Variants in MTIF2 observed in about 807,000 individuals in gnomAD.
MTIF2 encodes the protein translation initiation factor IF-2, mitochondrial.
A neutral mutation model predicts 83.5 loss-of-function variants in MTIF2; 71 were observed. The ratio of observed to expected loss-of-function variants is 0.85; its 90% confidence interval spans 0.70 to 1.04. MTIF2 has a LOEUF of 1.04. MTIF2 is among the 50% of genes least tolerant of loss of function. MTIF2 has a pLI of 0.00. For missense variants in MTIF2, 957 were observed against 846.5 expected, an observed-to-expected ratio of 1.13 and a Z score of -1.62; for synonymous variants, 319 against 287.1, an observed-to-expected ratio of 1.11 and a Z score of -1.12.
At chr2:55,240,623 T>C (rs935126114) in intron 13 of MTIF2, among the ~76,000 whole-genome samples, 7 of 152,186 alleles carry the variant, frequency 4.6e-5, no homozygotes, top group African/African-American at 1.7e-4. Flanking sequence ...TCTATGACTT[T>C]TTTTCTCACC....
At position 55,246,266 on chromosome 2, in the gene MTIF2, T is replaced by C. The variant is rs1051630642; in HGVS notation, c.1106+71A>G. ...TAACAATAACATGTAACAAAAATAA[T>C]ACATTGTCATATAATCAAGTCACGA... On this transcript the variant is annotated intron_variant, in intron 10 of 15. Transcript: ENST00000263629. 25 of 1,452,628 alleles carry C rather than the reference T, an allele frequency of 1.7e-5. 1 individual carries two copies. Among genetic ancestry groups the C allele is most frequent in the Middle Eastern group, 3.6e-4 (2 of 5,516 alleles). The allele number at this position is 1,452,628 out of a possible 1,614,324, so 90.0% of individuals were successfully genotyped here. A position where few individuals can be genotyped will look rare whatever the true frequency, so the allele number is the denominator to read the frequency against.
At chr2:55,246,276 T>C (rs1015926755) in intron 10 of MTIF2, 61 bp downstream of exon 10, 18 of 1,508,188 alleles carry the variant, frequency 1.2e-5, no homozygotes, top group Non-Finnish European at 1.5e-5. Flanking sequence ...TACATTGTCA[T>C]ATAATCAAGT....
At chr2:55,255,946 G>C (rs773612760) in intron 5 of MTIF2, among the ~76,000 whole-genome samples, 1 of 151,736 alleles carries the variant, frequency 6.6e-6, no homozygotes, top group Non-Finnish European at 1.5e-5. Flanking sequence ...GGGCAATCTC[G>C]GCTAGCTGCA....
At chr2:55,247,265 A>G (rs927711684) in intron 9 of MTIF2, among the ~76,000 whole-genome samples, 1 of 152,210 alleles carries the variant, frequency 6.6e-6, no homozygotes, top group Non-Finnish European at 1.5e-5. Context: ...AGTATAAAAC[A>G]ACAGACAAGG....
intron 8 of MTIF2, 52 bp downstream of exon 8, chr2:55,252,425 C>A: frequency 2.0e-6 from 3 of 1,519,414 alleles, no homozygotes; most frequent in Non-Finnish European, 2.7e-6. Flanking sequence ...ATGTAAATGG[C>A]CCCAGAACTT....
intron 10 of MTIF2, 46 bp from the exon 11 acceptor site, chr2:55,244,279 A>T: frequency 1.5e-6 from 2 of 1,322,110 alleles, no homozygotes; most frequent in Non-Finnish European, 2.1e-6. Context: ...AATGTACTTT[A>T]AGTAGAGCAA....
chr2:55,236,638 T>C lies in MTIF2; in HGVS notation c.*10A>G. The stretch of plus-strand genomic sequence containing the variant: ...CAACACGTTGAGTTATTTACATTTT[T>C]AATGTAATTTTAAAATCCTGGATCC... On this transcript the variant is annotated 3_prime_UTR_variant, in exon 16 of 16. Coordinates refer to ENST00000263629, the MANE Select transcript of MTIF2 (RefSeq NM_002453.3). The C allele has an allele frequency of 6.3e-7, 1 of 1,578,420 alleles. No homozygotes were observed. Among genetic ancestry groups the C allele is most frequent in the Non-Finnish European group, 8.6e-7 (1 of 1,166,860 alleles).
At position 55,260,241 on chromosome 2, in the gene MTIF2, A is replaced by G. The variant is rs1407933069; in HGVS notation, c.331+2075T>C. Among the ~76,000 whole-genome samples, 3 of 152,146 alleles carry G rather than the reference A, an allele frequency of 2.0e-5. No individual in the cohort carries two copies. In the East Asian group the frequency reaches 5.8e-4, roughly 30 times the overall value. On this transcript the variant is annotated intron_variant, in intron 5 of 15. Transcript: ENST00000263629. Reference sequence around the variant, plus strand: ...ATGGAGAAACTCCGTCTCTACTAAAAATACAAAATTAGCCGGGCGTGGTGG... The same window carrying G: ...ATGGAGAAACTCCGTCTCTACTAAAGATACAAAATTAGCCGGGCGTGGTGG...
chr2:55,253,407 G>A (rs1023580603), intron 7 of MTIF2, among the ~76,000 whole-genome samples: 4 of 152,154 alleles, frequency 2.6e-5, no homozygotes, highest in South Asian at 2.1e-4. Flanking sequence ...AGCCAGGCGC[G>A]GTGGCTCACA....
Position 55,263,832 on chromosome 2 carries a change from C to T in MTIF2, c.27G>A (p.Glu9=). 1.2e-6 allele frequency: 2 copies of T among 1,613,750 alleles called. No individual in the cohort carries two copies. Among genetic ancestry groups the T allele is most frequent in the Non-Finnish European group, 8.5e-7 (1 of 1,179,930 alleles). Residue 9 remains glutamate, a synonymous_variant, in exon 4 of 16, where the codon GAG becomes GAA. Transcript: ENST00000263629. ...AAATAGTGTGAAATCGTAGCAAGTT[C>T]TCCAACTTCAGTAGCTTCTGGTTCA... MNQKLLKL[E]NLLRFHTIYR...
At chr2:55,261,767 T>C (rs1678013566) in intron 5 of MTIF2, among the ~76,000 whole-genome samples, 1 of 151,618 alleles carries the variant, frequency 6.6e-6, no homozygotes, top group Admixed American at 6.6e-5. Flanking sequence ...AGTGAGACTC[T>C]GTCTCTACAA....
intron 8 of MTIF2, 67 bp downstream of exon 8, chr2:55,252,410 G>T: frequency 7.5e-7 from 1 of 1,341,816 alleles, no homozygotes; most frequent in Non-Finnish European, 1.1e-6. Context: ...GACTAAATGA[G>T]CTATATGTAA....
At chr2:55,241,134 C>A (rs1348919393) in intron 13 of MTIF2, among the ~76,000 whole-genome samples, 3 of 151,470 alleles carry the variant, frequency 2.0e-5, no homozygotes, top group East Asian at 3.9e-4. Context: ...AAAAATTAAC[C>A]TGGACGGGCA....
chr2:55,245,950 C>T (rs1356311746), intron 10 of MTIF2, among the ~76,000 whole-genome samples: 1 of 152,098 alleles, frequency 6.6e-6, no homozygotes, highest in Non-Finnish European at 1.5e-5. Flanking sequence ...AAAGACCTTT[C>T]TGCGTATTAT....
rs1676181202 is a variant in MTIF2 at position 55,240,003 on chromosome 2, T to A, written c.1870+8A>T. The A allele has an allele frequency of 6.3e-7, 1 of 1,594,674 alleles. No individual in the cohort carries two copies. Among genetic ancestry groups the A allele is most frequent in the Admixed American group, 1.7e-5 (1 of 59,058 alleles). ...AATTTTTAAAAGTAACATTCAGTGA[T>A]CACTCACCTACTGGGTGCTCTTCCA... is the stretch of plus-strand genomic sequence containing the variant. On this transcript the variant is annotated splice_region_variant and intron_variant, in intron 14 of 15. Transcript: ENST00000263629.
intron 5 of MTIF2, among the ~76,000 whole-genome samples, chr2:55,256,184 T>A (rs950176763): frequency 2.0e-5 from 3 of 152,046 alleles, no homozygotes; most frequent in Admixed American, 6.6e-5. Flanking sequence ...AAGTACTGAT[T>A]TTTGAGCTGC....
At chr2:55,264,215 C>A (rs908659386) in intron 3 of MTIF2, among the ~76,000 whole-genome samples, 1 of 152,160 alleles carries the variant, frequency 6.6e-6, no homozygotes, top group Non-Finnish European at 1.5e-5. Flanking sequence ...GATAACATTT[C>A]TGTTAAACAC....
At chr2:55,264,971 G>A (rs1421593677) in intron 3 of MTIF2, among the ~76,000 whole-genome samples, 4 of 152,078 alleles carry the variant, frequency 2.6e-5, no homozygotes, top group Non-Finnish European at 5.9e-5. Flanking sequence ...AGCTGGGTGT[G>A]GTGGCTCATG....
rs1251798976 is a variant in MTIF2 at position 55,249,384 on chromosome 2, C to T, written c.981+11G>A. 5.0e-6 allele frequency: 8 copies of T among 1,613,116 alleles called. No individual in the cohort carries two copies. The highest frequency in any genetic ancestry group is 4.5e-5 in the East Asian group (2 of 44,874). Reference sequence around the variant, plus strand: ...CATCCAGGCATATTTATATGAGGTCCCCGCATTTACCGTAAGTGCGGAGAC... The same window carrying T: ...CATCCAGGCATATTTATATGAGGTCTCCGCATTTACCGTAAGTGCGGAGAC... On this transcript the variant is annotated intron_variant, in intron 9 of 15. Transcript: ENST00000263629.
Sources: gnomAD v4.1 joint callset for allele counts (sites outside exome capture counted in the v4.1 genomes callset) on GRCh38, gnomAD v4.1.1 for gene constraint, MANE v1.5 for transcripts, NCBI Gene and HGNC (gene_info 2026-07-23, HGNC 2026-07-21) for gene names.